Variants in PRKG1 observed in about 807,000 individuals in gnomAD.
PRKG1 encodes protein kinase cGMP-dependent 1.
A neutral mutation model predicts 88.1 loss-of-function variants in PRKG1; 35 were observed. The observed-to-expected ratio is 0.40, with a 90% CI of 0.30 to 0.53. The LOEUF is 0.53. Among genes scored for constraint, PRKG1 ranks in the 20% least tolerant of loss-of-function variants. The pLI is 0.59. For synonymous variants in PRKG1, 303 were observed against 292.5 expected, an observed-to-expected ratio of 1.04 and a Z score of -0.37; for missense variants, 540 against 839.8, an observed-to-expected ratio of 0.64 and a Z score of 4.41.
At chr10:51,986,732 G>T (rs975657296) in intron 5 of PRKG1, among the ~76,000 whole-genome samples, 2 of 152,192 alleles carry the variant, frequency 1.3e-5, no homozygotes, top group Non-Finnish European at 2.9e-5. Flanking sequence ...CTCAGCTGCA[G>T]TGATGTCTCA....
At chr10:52,087,181 G>A (rs1341095639) in intron 7 of PRKG1, among the ~76,000 whole-genome samples, 1 of 152,164 alleles carries the variant, frequency 6.6e-6, no homozygotes, top group African/African-American at 2.4e-5. Flanking sequence ...GATTTGTTCC[G>A]TAAAGCCTTG....
At chr10:51,299,455 CT>C in intron 2 of PRKG1, 1 of 439,568 alleles carries the variant, frequency 2.3e-6, no homozygotes, top group South Asian at 1.6e-5. Flanking sequence ...ATCCACCCAC[CT>C]CGGCCTCCCA....
intron 5 of PRKG1, among the ~76,000 whole-genome samples, chr10:52,021,337 C>T (rs1903951): frequency 0.079 from 12,038 of 152,132 alleles, 793 homozygotes; most frequent in East Asian, 0.32. Flanking sequence ...GGAGGGAGGC[C>T]ACATGGGGTG....
At chr10:52,155,002 G>A (rs940060885) in intron 8 of PRKG1, among the ~76,000 whole-genome samples, 2 of 151,948 alleles carry the variant, frequency 1.3e-5, no homozygotes, top group Non-Finnish European at 2.9e-5. Context: ...AGTATTCCAT[G>A]GTGTATATAT....
intron 3 of PRKG1, among the ~76,000 whole-genome samples, chr10:51,561,956 C>T (rs1199282632): frequency 6.6e-6 from 1 of 152,030 alleles, no homozygotes; most frequent in African/African-American, 2.4e-5. Flanking sequence ...GGCACAGTGA[C>T]TCATGCCTAT....
intron 3 of PRKG1, among the ~76,000 whole-genome samples, chr10:51,613,201 A>C (rs1291405889): frequency 1.3e-5 from 2 of 151,892 alleles, no homozygotes; most frequent in African/African-American, 4.8e-5. Flanking sequence ...CTCATTACTC[A>C]CTATTGGTCT....
chr10:51,205,902 C>A (rs958305195), intron 2 of PRKG1, among the ~76,000 whole-genome samples: 2 of 152,098 alleles, frequency 1.3e-5, no homozygotes, highest in Admixed American at 6.5e-5. Flanking sequence ...AGTGAGAATT[C>A]TCTAGTATAC....
intron 4 of PRKG1, among the ~76,000 whole-genome samples, chr10:51,875,566 C>T (rs1399679804): frequency 6.6e-6 from 1 of 152,144 alleles, no homozygotes; most frequent in Non-Finnish European, 1.5e-5. Flanking sequence ...GACACCATCC[C>T]TGGCTCAGAT....
chr10:51,912,034 A>AAGGC (rs1842229749), intron 5 of PRKG1, among the ~76,000 whole-genome samples: 1 of 152,246 alleles, frequency 6.6e-6, no homozygotes, highest in Non-Finnish European at 1.5e-5. Context: ...GGAAGGAAGG[A>AAGGC]AAATAACATC....
intron 2 of PRKG1, among the ~76,000 whole-genome samples, chr10:51,382,912 T>C (rs568276322): frequency 1.3e-5 from 2 of 152,282 alleles, no homozygotes; most frequent in East Asian, 3.9e-4. Flanking sequence ...ACATAGAGTA[T>C]AAATCCTTCC....
chr10:51,273,634 C>A (rs186058534), intron 2 of PRKG1, among the ~76,000 whole-genome samples: 1 of 152,248 alleles, frequency 6.6e-6, no homozygotes, highest in Non-Finnish European at 1.5e-5. Context: ...TAACTAGTTG[C>A]CAACATTTAA....
At chr10:52,150,174 A>AATAATAATAATAATAATC (rs1554810271) in intron 8 of PRKG1, among the ~76,000 whole-genome samples, 12 of 104,898 alleles carry the variant, frequency 1.1e-4, no homozygotes, top group Non-Finnish European at 2.4e-4. Context: ...TAATAATAAT[A>AATAATAATAATAATAATC]ATAATAATAA....
Position 51,136,133 on chromosome 10 carries a change from A to T in PRKG1, c.312-17031A>T, listed in dbSNP as rs111381187. Among the ~76,000 whole-genome samples the T allele has an allele frequency of 6.2e-3, 937 of 152,278 alleles. 16 individuals are homozygous for T. Among genetic ancestry groups the T allele is most frequent in the African/African-American group, 0.021 (873 of 41,548 alleles). ...AAAGTATAATAATAATAAAATAAAA[A>T]AAATGATCAGTGAGTCTTGGTGAGT... On this transcript the variant is annotated intron_variant, in intron 1 of 17. Coordinates refer to ENST00000373980, the MANE Select transcript of PRKG1 (RefSeq NM_006258.4).
At chr10:51,602,402 C>A (rs1446863140) in intron 3 of PRKG1, among the ~76,000 whole-genome samples, 1 of 151,932 alleles carries the variant, frequency 6.6e-6, no homozygotes, top group Non-Finnish European at 1.5e-5. Context: ...TTCAACTGTT[C>A]ATTCTGTTTT....
intron 7 of PRKG1, among the ~76,000 whole-genome samples, chr10:52,102,555 A>T (rs2132569307): frequency 6.6e-6 from 1 of 150,400 alleles, no homozygotes; most frequent in African/African-American, 2.4e-5. Context: ...TGACTGAGCC[A>T]ATCACGAAAA....
intron 5 of PRKG1, among the ~76,000 whole-genome samples, chr10:51,945,061 A>T (rs1224467098): frequency 1.3e-5 from 2 of 150,978 alleles, no homozygotes; most frequent in Non-Finnish European, 2.9e-5. Context: ...GGGGTGTTAA[A>T]GTCTCCCATT....
At chr10:52,062,395 G>T (rs1340838704) in intron 6 of PRKG1, 142 bp from the exon 7 acceptor site, 5 of 454,808 alleles carry the variant, frequency 1.1e-5, no homozygotes, top group Non-Finnish European at 1.9e-5. Flanking sequence ...TTGTTCTTTG[G>T]TCCTTTTGGT....
At chr10:52,023,778 ATTTG>A (rs1391343727) in intron 5 of PRKG1, among the ~76,000 whole-genome samples, 26 of 152,114 alleles carry the variant, frequency 1.7e-4, no homozygotes, top group Non-Finnish European at 1.8e-4. Context: ...TTCCTTATAA[ATTTG>A]TTTAAGTTCT....
intron 3 of PRKG1, among the ~76,000 whole-genome samples, chr10:51,747,046 C>A (rs1837599731): frequency 1.3e-5 from 2 of 152,200 alleles, no homozygotes; most frequent in Non-Finnish European, 1.5e-5. Flanking sequence ...AGGTACAAAT[C>A]TTTGTGTGCT....
Sources: gnomAD v4.1 joint callset for allele counts (sites outside exome capture counted in the v4.1 genomes callset) on GRCh38, gnomAD v4.1.1 for gene constraint, MANE v1.5 for transcripts, NCBI Gene and HGNC (gene_info 2026-07-23, HGNC 2026-07-21) for gene names.